TIMP3: variants seen among roughly 807,000 people sequenced by gnomAD.
TIMP3 encodes the protein TIMP metallopeptidase inhibitor 3.
A neutral mutation model predicts 30.0 loss-of-function variants in TIMP3; 11 were observed. The ratio of observed to expected loss-of-function variants is 0.37; its 90% CI spans 0.23 to 0.61. The LOEUF is 0.61. Among genes scored for constraint, TIMP3 ranks in the 20% least tolerant of loss-of-function variants. The probability of loss-of-function intolerance (pLI) is 0.70; values close to 1 mark genes in which losing one functional copy is unlikely to be tolerated. For missense variants in TIMP3, 181 were observed against 276.8 expected (o/e 0.65, Z 2.45); for synonymous variants, 112 against 111.3 (o/e 1.01, Z -0.04).
chr22:32,808,373 A>T (rs2046822085), intron 1 of TIMP3, among the ~76,000 whole-genome samples: 1 of 152,176 alleles, frequency 6.6e-6, no homozygotes. Flanking sequence ...GGGTGAGAGC[A>T]GTGGGATGGT....
intron 1 of TIMP3, among the ~76,000 whole-genome samples, chr22:32,846,791 G>A (rs770959038): frequency 1.3e-5 from 2 of 152,240 alleles, no homozygotes; most frequent in Non-Finnish European, 2.9e-5. Context: ...AGATTCAGGA[G>A]GAAAGAGCCC....
At chr22:32,814,866 G>C (rs868554701) in intron 1 of TIMP3, among the ~76,000 whole-genome samples, 1 of 151,898 alleles carries the variant, frequency 6.6e-6, no homozygotes, top group Admixed American at 6.6e-5. Context: ...ATGCAATTTT[G>C]AATTTTCCCA....
chr22:32,801,977 C>T lies in TIMP3; in HGVS notation c.-25C>T. On this transcript the variant is annotated 5_prime_UTR_variant, in exon 1 of 5. Transcript: ENST00000266085. This position sits in a 1 kb window ranked among gnomAD's most constrained non-coding sequence, Gnocchi z 4.7. The stretch of plus-strand genomic sequence containing the variant: ...CAACTTTGGAGAGGCGAGCAGCAGC[C>T]CCGGCAGCGGCGGCAGCAGCGGCAA... 6.3e-7 allele frequency: 1 copy of T among 1,581,412 alleles called. No homozygotes were observed. Among genetic ancestry groups the T allele is most frequent in the South Asian group, 1.1e-5 (1 of 87,542 alleles).
At chr22:32,815,597 G>T (rs1328675100) in intron 1 of TIMP3, among the ~76,000 whole-genome samples, 2 of 152,126 alleles carry the variant, frequency 1.3e-5, no homozygotes, top group African/African-American at 2.4e-5. Context: ...GCTACTATTT[G>T]TTGACAGCTA....
At position 32,859,381 on chromosome 22, in the gene TIMP3, C is replaced by T; in HGVS notation, c.*4C>T. On this transcript the variant is annotated 3_prime_UTR_variant, in exon 5 of 5. Transcript: ENST00000266085. ...CATCAATGCCACAGACCCCTGAGCG[C>T]CAGACCCTGCCCCACCTCACTTCCC... The T allele has an allele frequency of 6.2e-7, 1 of 1,606,888 alleles. No homozygotes were observed. Among genetic ancestry groups the T allele is most frequent in the Non-Finnish European group, 8.5e-7 (1 of 1,179,530 alleles).
At chr22:32,820,353 CGTGTGT>C (rs35230068) in intron 1 of TIMP3, among the ~76,000 whole-genome samples, 24 of 141,782 alleles carry the variant, frequency 1.7e-4, no homozygotes, top group African/African-American at 5.0e-4. Context: ...CATTCCACTG[CGTGTGT>C]GTGTGTGTGT....
chr22:32,861,760 C>G lies in TIMP3; in HGVS notation c.*2383C>G, dbSNP rs756147367. On this transcript the variant is annotated 3_prime_UTR_variant, in exon 5 of 5. Coordinates refer to ENST00000266085, the MANE Select transcript of TIMP3 (RefSeq NM_000362.5). Reference sequence around the variant, plus strand: ...ATGTCAGAGGGCGGTTTTGAGCTTTCTATAAGCTATAGCTTTGTTTATTTC... The same window carrying G: ...ATGTCAGAGGGCGGTTTTGAGCTTTGTATAAGCTATAGCTTTGTTTATTTC... 6.6e-6 allele frequency: 1 copy of G among 152,548 alleles called. No individual in the cohort carries two copies. The highest frequency in any genetic ancestry group is 1.5e-5 in the Non-Finnish European group (1 of 68,018). The allele number at this position is 152,548 out of a possible 1,614,324, so 9.4% of individuals were successfully genotyped here.
rs374591413 is a variant in TIMP3, at chr22:32,820,269, C to CGTGTGTGT, written c.121+18159_121+18166dup. ...GTGTGTGTGTGTGTGTGTGCGTGCG[C>CGTGTGTGT]GTGTGTGTGTGTGTGTGTGGTGTGT... On this transcript the variant is annotated intron_variant, in intron 1 of 4. Coordinates refer to ENST00000266085, the MANE Select transcript of TIMP3 (RefSeq NM_000362.5). 4.2e-4 allele frequency among the ~76,000 whole-genome samples: 61 copies of CGTGTGTGT among 145,006 alleles called. No homozygotes were observed. The East Asian group carries it at 0.01, about 24-fold the overall frequency.
At chr22:32,839,279 G>A (rs2047826520) in intron 1 of TIMP3, among the ~76,000 whole-genome samples, 1 of 152,090 alleles carries the variant, frequency 6.6e-6, no homozygotes, top group African/African-American at 2.4e-5. Flanking sequence ...ATGTAAATGA[G>A]GGTTGTGGAT....
intron 1 of TIMP3, among the ~76,000 whole-genome samples, chr22:32,820,265 TGC>T (rs997172969): frequency 7.0e-6 from 1 of 141,852 alleles, no homozygotes; most frequent in Non-Finnish European, 1.6e-5. Flanking sequence ...TGTGTGTGCG[TGC>T]GCGTGTGTGT....
intron 2 of TIMP3, among the ~76,000 whole-genome samples, chr22:32,850,328 G>A (rs913870656): frequency 1.3e-5 from 2 of 151,910 alleles, no homozygotes; most frequent in African/African-American, 4.8e-5. Flanking sequence ...TAACAGTGTG[G>A]GGTTGGGCTT....
At chr22:32,808,586 C>T (rs2046828791) in intron 1 of TIMP3, among the ~76,000 whole-genome samples, 1 of 152,210 alleles carries the variant, frequency 6.6e-6, no homozygotes, top group South Asian at 2.1e-4. Flanking sequence ...CCTACCTCAT[C>T]CTCATAGTCT....
At chr22:32,842,061 C>G (rs12628202) in intron 1 of TIMP3, among the ~76,000 whole-genome samples, 7 of 152,126 alleles carry the variant, frequency 4.6e-5, no homozygotes, top group Non-Finnish European at 8.8e-5. Context: ...GGGAGGCTGC[C>G]TAGGTTATTG....
At chr22:32,851,219 A>G (rs2048208759) in intron 2 of TIMP3, among the ~76,000 whole-genome samples, 1 of 152,216 alleles carries the variant, frequency 6.6e-6, no homozygotes. Context: ...AGAGGTTCAG[A>G]AAACACACGA....
chr22:32,852,761 G>T (rs765457245), intron 2 of TIMP3, among the ~76,000 whole-genome samples: 1 of 152,144 alleles, frequency 6.6e-6, no homozygotes, highest in African/African-American at 2.4e-5. Flanking sequence ...GAGGGAGCAG[G>T]GTGTTAGAAT....
rs1338115095 is a variant in TIMP3, at chr22:32,802,015, T to A, written c.14T>A (p.Leu5His). The A allele has an allele frequency of 6.3e-7, 1 of 1,578,442 alleles. No individual in the cohort carries two copies. MTPW[L>H]GLIVLLGSWS... ...GCAGCAGCGGCAATGACCCCTTGGC[T>A]CGGGCTCATCGTGCTCCTGGGCAGC... Residue 5 changes from leucine (L) to histidine (H), a missense_variant, in exon 1 of 5, where the codon CTC becomes CAC. Transcript: ENST00000266085.
chr22:32,830,406 C>CT lies in TIMP3; in HGVS notation c.122-19045dup, dbSNP rs139624753. Among the ~76,000 whole-genome samples, 1,482 of 152,268 alleles carry CT rather than the reference C, an allele frequency of 9.7e-3. 26 individuals carry two copies. Among genetic ancestry groups the CT allele is most frequent in the African/African-American group, 0.033 (1,386 of 41,548 alleles). On this transcript the variant is annotated intron_variant, in intron 1 of 4. Transcript: ENST00000266085. ...GAAGTTACATGCTTTGCCCGACAGT[C>CT]TATAGCTAGGAGGAGCTGGAGCTGA...
At chr22:32,809,894 A>G (rs563931343) in intron 1 of TIMP3, among the ~76,000 whole-genome samples, 1 of 152,228 alleles carries the variant, frequency 6.6e-6, no homozygotes, top group South Asian at 2.1e-4. Flanking sequence ...CCAGCTTAGC[A>G]TCTCTTCTCC....
chr22:32,856,009 A>T (rs1253329406), intron 2 of TIMP3, among the ~76,000 whole-genome samples: 1 of 152,238 alleles, frequency 6.6e-6, no homozygotes, highest in African/African-American at 2.4e-5. Flanking sequence ...AATAAAAAAC[A>T]TGGAGAATTT....
Sources: gnomAD v4.1 joint callset for allele counts (sites outside exome capture counted in the v4.1 genomes callset) on GRCh38, gnomAD v4.1.1 for gene constraint, Gnocchi (gnomAD v3.1) non-coding constraint, MANE v1.5 for transcripts, NCBI Gene and HGNC (gene_info 2026-07-23, HGNC 2026-07-21) for gene names.